GPT2: variants seen among roughly 807,000 people sequenced by gnomAD.
GPT2 encodes the protein alanine aminotransferase 2.
GPT2 carries 30 observed loss-of-function variants against 56.9 expected under a neutral mutation model. That is an observed-to-expected ratio of 0.53 (90% CI 0.39 to 0.72). The LOEUF is 0.72. Ranked by LOEUF, GPT2 falls within the 30% of genes least tolerant of loss-of-function variation. The pLI, the probability that GPT2 is intolerant of heterozygous loss-of-function variation, is 0.00. For missense variants in GPT2, 542 were observed against 703.4 expected (o/e 0.77, Z 2.60); for synonymous variants, 271 against 283.1 (o/e 0.96, Z 0.43).
chr16:46,922,205 A>T (rs752096720), intron 8 of GPT2, 37 bp from the exon 9 acceptor site: 2 of 1,604,534 alleles, frequency 1.2e-6, no homozygotes, highest in Admixed American at 3.4e-5. Context: ...AGGTCTTTCT[A>T]TAACTGGTGG....
chr16:46,887,265 C>T (rs191914579), intron 2 of GPT2, among the ~76,000 whole-genome samples: 5 of 152,096 alleles, frequency 3.3e-5, no homozygotes, highest in African/African-American at 7.2e-5. Flanking sequence ...GGCAGGAGTT[C>T]GAGACCAGCC....
intron 8 of GPT2, among the ~76,000 whole-genome samples, chr16:46,919,821 A>G (rs1961249949): frequency 6.6e-6 from 1 of 152,132 alleles, no homozygotes; most frequent in African/African-American, 2.4e-5. Flanking sequence ...ATCGTGCACC[A>G]GACAGAGATG....
intron 4 of GPT2, among the ~76,000 whole-genome samples, chr16:46,906,119 G>C (rs1010162059): frequency 6.6e-6 from 1 of 152,008 alleles, no homozygotes; most frequent in Non-Finnish European, 1.5e-5. Flanking sequence ...TTCACTCCAG[G>C]CTGGAGTGCA....
At chr16:46,898,919 C>CGT (rs1567334992) in intron 3 of GPT2, among the ~76,000 whole-genome samples, 26 of 141,100 alleles carry the variant, frequency 1.8e-4, no homozygotes, top group East Asian at 1.4e-3. Context: ...TATACACACA[C>CGT]ATATATATGT....
At chr16:46,922,032 C>G (rs1354618217) in intron 8 of GPT2, among the ~76,000 whole-genome samples, 1 of 152,112 alleles carries the variant, frequency 6.6e-6, no homozygotes, top group Non-Finnish European at 1.5e-5. Flanking sequence ...GCACTCCAGC[C>G]TGGGTGACAG....
At position 46,929,695 on chromosome 16, in the gene GPT2, G is replaced by T; in HGVS notation, c.*698G>T. ...CAGGCCTGAGAATTCTGTGCGCCCG[G>T]CGGGCTTTGGGAATGAGGGGTTCCC... On this transcript the variant is annotated 3_prime_UTR_variant, in exon 12 of 12. Coordinates refer to ENST00000340124, the MANE Select transcript of GPT2 (RefSeq NM_133443.4). 6.5e-6 allele frequency: 1 copy of T among 152,794 alleles called. No individual in the cohort carries two copies. Among genetic ancestry groups the T allele is most frequent in the Non-Finnish European group, 1.5e-5 (1 of 68,356 alleles). The allele number at this position is 152,794 out of a possible 1,614,324, so 9.5% of individuals were successfully genotyped here.
intron 11 of GPT2, 57 bp from the exon 12 acceptor site, chr16:46,928,850 T>G (rs779749411): frequency 6.3e-5 from 83 of 1,312,476 alleles, no homozygotes; most frequent in Non-Finnish European, 8.5e-5. Context: ...GCTGCTGGAT[T>G]CGTTCCTCTC....
chr16:46,918,119 T>C (rs734309), intron 7 of GPT2, among the ~76,000 whole-genome samples: 119,352 of 152,172 alleles, frequency 0.78, 48,359 homozygotes, highest in East Asian at 0.99. Flanking sequence ...CGGGTATAAA[T>C]GCTGCTCTGG....
rs1331792535 is a variant in GPT2 at position 46,922,193 on chromosome 16, T to C, written c.1038-49T>C. 4 of 1,579,608 alleles carry C rather than the reference T, an allele frequency of 2.5e-6. No individual in the cohort carries two copies. In the South Asian group the frequency reaches 4.5e-5, roughly 18 times the overall value. On this transcript the variant is annotated intron_variant, in intron 8 of 11. Coordinates refer to ENST00000340124, the MANE Select transcript of GPT2 (RefSeq NM_133443.4). The stretch of plus-strand genomic sequence containing the variant: ...TCTGGCTGTCCAAATGGCACTTTGT[T>C]GAGGTCTTTCTATAACTGGTGGTCC...
chr16:46,922,503 C>A, intron 9 of GPT2, 87 bp downstream of exon 9: 1 of 1,324,536 alleles, frequency 7.5e-7, no homozygotes, highest in Non-Finnish European at 1.0e-6. Context: ...CTCCAGGTGG[C>A]CAGACAGCAG....
chr16:46,916,538 G>A, intron 6 of GPT2, 90 bp from the exon 7 acceptor site: 1 of 930,214 alleles, frequency 1.1e-6, no homozygotes, highest in Non-Finnish European at 1.8e-6. Flanking sequence ...GGGAACACAG[G>A]GCACTGAGTG....
rs1228686773 is a variant in GPT2, at chr16:46,909,885, G to A, written c.778G>A (p.Asp260Asn). The A allele has an allele frequency of 6.2e-7, 1 of 1,614,002 alleles. No individual in the cohort carries two copies. The change falls in exon 6 of 12, where the codon GAT becomes AAT. Residue 260 changes from aspartate (D) to asparagine (N), a missense_variant. Asp to Asn is a conservative substitution (Grantham distance 23). Coordinates refer to ENST00000340124, the MANE Select transcript of GPT2 (RefSeq NM_133443.4). ...RAVQEAKDHC[D>N]PKVLCIINPG... ...GGTGCAGGAGGCCAAAGACCACTGT[G>A]ATCCTAAGGTGCTCTGCATAATCAA...
intron 5 of GPT2, among the ~76,000 whole-genome samples, chr16:46,908,237 G>A (rs1960976615): frequency 6.8e-6 from 1 of 147,836 alleles, no homozygotes; most frequent in African/African-American, 2.5e-5. Context: ...CCTTGCGGGG[G>A]ACTGGTGGAG....
intron 5 of GPT2, among the ~76,000 whole-genome samples, chr16:46,908,097 C>T (rs1960972747): frequency 6.8e-6 from 1 of 147,192 alleles, no homozygotes; most frequent in Non-Finnish European, 1.5e-5. Context: ...GTAGAGGTTT[C>T]AGTCCTGGGT....
At chr16:46,919,338 G>A (rs1279020693) in intron 8 of GPT2, among the ~76,000 whole-genome samples, 5 of 152,104 alleles carry the variant, frequency 3.3e-5, no homozygotes, top group Admixed American at 6.6e-5. Flanking sequence ...TAAATCGTGC[G>A]TCCCACGGAG....
chr16:46,901,055 T>C (rs1960807977), intron 4 of GPT2, among the ~76,000 whole-genome samples: 1 of 152,202 alleles, frequency 6.6e-6, no homozygotes, highest in Non-Finnish European at 1.5e-5. Context: ...GGAGCCAGCC[T>C]CATTGGACAG....
intron 8 of GPT2, among the ~76,000 whole-genome samples, chr16:46,921,104 GGA>G (rs1961277870): frequency 6.6e-6 from 1 of 152,160 alleles, no homozygotes; most frequent in African/African-American, 2.4e-5. Context: ...TCCAGTCCAG[GGA>G]TCAGATGGGA....
intron 8 of GPT2, among the ~76,000 whole-genome samples, chr16:46,921,400 T>G (rs1293409083): frequency 1.3e-5 from 2 of 152,206 alleles, no homozygotes; most frequent in African/African-American, 2.4e-5. Context: ...CTTGAACTCC[T>G]GACCTCAAGT....
intron 2 of GPT2, among the ~76,000 whole-genome samples, chr16:46,894,143 C>T (rs1415484782): frequency 3.3e-5 from 5 of 152,198 alleles, no homozygotes; most frequent in Non-Finnish European, 7.3e-5. Context: ...GCACCAAGAC[C>T]CAAGAATGGA....
Sources: gnomAD v4.1 joint callset for allele counts (sites outside exome capture counted in the v4.1 genomes callset) on GRCh38, gnomAD v4.1.1 for gene constraint, MANE v1.5 for transcripts, NCBI Gene and HGNC (gene_info 2026-07-23, HGNC 2026-07-21) for gene names.